DDA1: variants seen among roughly 807,000 people sequenced by gnomAD.
DDA1 encodes DET1 and DDB1 associated 1.
In DDA1, 3 loss-of-function variants were observed where a neutral mutation model predicts 18.6. The ratio of observed to expected loss-of-function variants is 0.16; its 90% CI spans 0.07 to 0.42. The LOEUF is 0.42. Among genes scored for constraint, DDA1 ranks in the 10% least tolerant of loss-of-function variants. The pLI is 0.99. For synonymous variants in DDA1, 52 were observed against 54.0 expected, an observed-to-expected ratio of 0.96 and a Z score of 0.17; for missense variants, 105 against 138.2, an observed-to-expected ratio of 0.76 and a Z score of 1.20.
rs2074200514 is a variant in DDA1, at chr19:17,315,200, T to TACACACGTGTATACAC, written c.137-721_137-720insCACACACACGTGTATA. 2.9e-4 allele frequency among the ~76,000 whole-genome samples: 4 copies of TACACACGTGTATACAC among 13,778 alleles called. 1 individual carries two copies. The highest frequency in any genetic ancestry group is 2.4e-3 in the African/African-American group (4 of 1,662). The allele number at this position is 13,778 out of a possible 152,430, so 9.0% of individuals were successfully genotyped here. ...ACACACGTGTATACACACACGTGTA[T>TACACACGTGTATACAC]ACACACGTGTATATACACACACGTG... On this transcript the variant is annotated intron_variant, in intron 3 of 4. Transcript: ENST00000359866.
Position 17,312,066 on chromosome 19 carries a change from C to T in DDA1, c.4-1957C>T, listed in dbSNP as rs555777201. 5.9e-5 allele frequency among the ~76,000 whole-genome samples: 9 copies of T among 152,324 alleles called. No individual in the cohort carries two copies. In the East Asian group the frequency reaches 1.7e-3, roughly 29 times the overall value. Reference sequence around the variant, plus strand: ...AAGCATTCCCCTTGTTGTCTTATGACTCAGAGTAACCCTGGGAGGTGGCCC... The same window carrying T: ...AAGCATTCCCCTTGTTGTCTTATGATTCAGAGTAACCCTGGGAGGTGGCCC... On this transcript the variant is annotated intron_variant, in intron 1 of 4. Transcript: ENST00000359866.
intron 4 of DDA1, 93 bp from the exon 5 acceptor site, chr19:17,319,453 C>G (rs1489459297): frequency 9.4e-7 from 1 of 1,063,636 alleles, no homozygotes; most frequent in African/African-American, 1.6e-5. Flanking sequence ...CTAGCTACTC[C>G]AGAGGCTGAG....
Position 17,319,541 on chromosome 19 carries a change from C to G in DDA1, c.199-5C>G. On this transcript the variant is annotated splice_region_variant and splice_polypyrimidine_tract_variant and intron_variant, in intron 4 of 4. Coordinates refer to ENST00000359866, the MANE Select transcript of DDA1 (RefSeq NM_024050.6). Reference sequence around the variant, plus strand: ...CACAGCCCCTCTCTTTTCCCTGTCCCCCAGAACGCTGCCAAGAAGAGAGAC... The same window carrying G: ...CACAGCCCCTCTCTTTTCCCTGTCCGCCAGAACGCTGCCAAGAAGAGAGAC... 1 of 1,559,332 alleles carries G rather than the reference C, an allele frequency of 6.4e-7. No individual in the cohort carries two copies. The highest frequency in any genetic ancestry group is 8.7e-7 in the Non-Finnish European group (1 of 1,151,358).
intron 1 of DDA1, 23 bp from the exon 2 acceptor site, chr19:17,314,000 G>T: frequency 6.2e-7 from 1 of 1,606,030 alleles, no homozygotes; most frequent in Non-Finnish European, 8.5e-7. Context: ...GTTTTCTCAT[G>T]TACCATCTTC....
chr19:17,310,972 C>T (rs2074176018), intron 1 of DDA1, among the ~76,000 whole-genome samples: 1 of 152,050 alleles, frequency 6.6e-6, no homozygotes, highest in Non-Finnish European at 1.5e-5. Context: ...GAGTCAGGGT[C>T]TCACTCTGGC....
intron 3 of DDA1, chr19:17,315,660 C>A (rs1220255679): frequency 1.9e-6 from 1 of 513,066 alleles, no homozygotes; most frequent in East Asian, 3.5e-5. Flanking sequence ...TCCTAGTCAG[C>A]CTGGGAGAAA....
rs140662627 is a variant in DDA1 at position 17,319,803 on chromosome 19, C to T, written c.*147C>T. Reference sequence around the variant, plus strand: ...ACACCACTTCCAACCTCATAGGAGCCGATGTATTTATTTTCCTTGAGTTTT... The same window carrying T: ...ACACCACTTCCAACCTCATAGGAGCTGATGTATTTATTTTCCTTGAGTTTT... On this transcript the variant is annotated 3_prime_UTR_variant, in exon 5 of 5. Coordinates refer to ENST00000359866, the MANE Select transcript of DDA1 (RefSeq NM_024050.6). The T allele has an allele frequency of 7.8e-4, 488 of 624,214 alleles. 7 individuals are homozygous for T. The East Asian group carries it at 0.014, about 17-fold the overall frequency. The allele number at this position is 624,214 out of a possible 1,614,324, so 38.7% of individuals were successfully genotyped here. A position where few individuals can be genotyped will look rare whatever the true frequency, so the allele number is the denominator to read the frequency against.
In DDA1 at chr19:17,312,214, C is replaced by T. The variant is rs140725610; in HGVS notation, c.4-1809C>T. ...GAATGCCCGGAGTACCTGCACCTCT[C>T]GCCACTCAGCCACCGGGCCCTGTGT... On this transcript the variant is annotated intron_variant, in intron 1 of 4. Coordinates refer to ENST00000359866, the MANE Select transcript of DDA1 (RefSeq NM_024050.6). Among the ~76,000 whole-genome samples, 174 of 152,238 alleles carry T rather than the reference C, an allele frequency of 1.1e-3. 1 individual carries two copies. The highest frequency in any genetic ancestry group is 0.01 in the Middle Eastern group (3 of 294).
At chr19:17,312,491 A>G (rs73511872) in intron 1 of DDA1, among the ~76,000 whole-genome samples, 1,592 of 152,076 alleles carry the variant, frequency 0.01, 25 homozygotes, top group African/African-American at 0.036. Context: ...GAGGGTGTGT[A>G]TGATGGGAGT....
Position 17,309,609 on chromosome 19 carries a change from G to GAGGAGGC in DDA1, c.-46_-45insAGGAGGC. 1 of 1,607,376 alleles carries GAGGAGGC rather than the reference G, an allele frequency of 6.2e-7. No individual in the cohort carries two copies. Among genetic ancestry groups the GAGGAGGC allele is most frequent in the Non-Finnish European group, 8.5e-7 (1 of 1,174,822 alleles). Reference sequence around the variant, plus strand: ...TAAGAAGGCGGCTCTGGTGGCGGCGGTGGAGGCTGAGGCGGCGGCCGAGGC... The same window carrying GAGGAGGC: ...TAAGAAGGCGGCTCTGGTGGCGGCGGAGGAGGCTGGAGGCTGAGGCGGCGGCCGAGGC... On this transcript the variant is annotated 5_prime_UTR_variant, in exon 1 of 5. Coordinates refer to ENST00000359866, the MANE Select transcript of DDA1 (RefSeq NM_024050.6).
chr19:17,312,144 C>T (rs1290173652), intron 1 of DDA1, among the ~76,000 whole-genome samples: 1 of 152,122 alleles, frequency 6.6e-6, no homozygotes, highest in African/African-American at 2.4e-5. Context: ...AGTCCCTCGT[C>T]CCAGGTCACA....
At chr19:17,318,658 C>T (rs961581667) in intron 4 of DDA1, among the ~76,000 whole-genome samples, 7 of 150,034 alleles carry the variant, frequency 4.7e-5, no homozygotes, top group Admixed American at 6.6e-5. Flanking sequence ...TGAGCCACCG[C>T]GCCTGGCCTT....
At chr19:17,317,668 T>TAAAAAA (rs34303101) in intron 4 of DDA1, among the ~76,000 whole-genome samples, 2 of 97,744 alleles carry the variant, frequency 2.0e-5, no homozygotes, top group Admixed American at 1.2e-4. Flanking sequence ...ACTCCATCAC[T>TAAAAAA]AAAAAAAAAA....
At chr19:17,309,773 C>A (rs2074169886) in intron 1 of DDA1, 116 bp downstream of exon 1, 12 of 1,329,490 alleles carry the variant, frequency 9.0e-6, no homozygotes, top group South Asian at 1.5e-5. Flanking sequence ...CCCCTCAGGT[C>A]CGGCCCGCCC....
At chr19:17,318,595 G>A (rs755518067) in intron 4 of DDA1, among the ~76,000 whole-genome samples, 1 of 152,060 alleles carries the variant, frequency 6.6e-6, no homozygotes, top group Non-Finnish European at 1.5e-5. Context: ...TCGAACTCCT[G>A]ACTTGAAGTG....
rs1316772154 is a variant in DDA1 at position 17,315,199 on chromosome 19, ATACACACGTG to A, written c.137-732_137-723del. ...CACACACGTGTATACACACACGTGT[ATACACACGTG>A]TATATACACACACGTGTATACACAC... is the stretch of plus-strand genomic sequence containing the variant. On this transcript the variant is annotated intron_variant, in intron 3 of 4. Coordinates refer to ENST00000359866, the MANE Select transcript of DDA1 (RefSeq NM_024050.6). Among the ~76,000 whole-genome samples, 12 of 25,704 alleles carry A rather than the reference ATACACACGTG, an allele frequency of 4.7e-4. 1 individual carries two copies. The highest frequency in any genetic ancestry group is 7.2e-4 in the Admixed American group (3 of 4,146). The allele number at this position is 25,704 out of a possible 152,430, so 16.9% of individuals were successfully genotyped here.
At chr19:17,317,995 C>T (rs1027970942) in intron 4 of DDA1, among the ~76,000 whole-genome samples, 4 of 151,934 alleles carry the variant, frequency 2.6e-5, no homozygotes, top group East Asian at 3.9e-4. Context: ...CCTGCCCTGC[C>T]CTGCCCTTCC....
intron 3 of DDA1, among the ~76,000 whole-genome samples, chr19:17,315,135 A>ACGTG (rs1491470729): frequency 1.9e-4 from 15 of 78,232 alleles, no homozygotes; most frequent in East Asian, 7.7e-4. Context: ...ATATACACAC[A>ACGTG]TATATATACA....
rs1239930185 is a variant in DDA1, at chr19:17,321,059, T to G, written c.*1403T>G. ...GGCGTAATCACAGCTCACTGCAGCC[T>G]CGACCTCAAGCCTTCCTCCCACCTC... On this transcript the variant is annotated 3_prime_UTR_variant, in exon 5 of 5. Coordinates refer to ENST00000359866, the MANE Select transcript of DDA1 (RefSeq NM_024050.6). The G allele has an allele frequency of 2.0e-5, 3 of 152,082 alleles. No individual in the cohort carries two copies. The highest frequency in any genetic ancestry group is 4.4e-5 in the Non-Finnish European group (3 of 68,068). The allele number at this position is 152,082 out of a possible 1,614,324, so 9.4% of individuals were successfully genotyped here. A position where few individuals can be genotyped will look rare whatever the true frequency, so the allele number is the denominator to read the frequency against.
Sources: allele counts gnomAD v4.1 joint callset (sites outside exome capture counted in the v4.1 genomes callset), GRCh38; gene constraint gnomAD v4.1.1; transcripts MANE v1.5; gene names NCBI Gene and HGNC (gene_info 2026-07-23, HGNC 2026-07-21).